PHACTR1: variants seen among roughly 807,000 people sequenced by gnomAD.
The protein encoded by PHACTR1 is phosphatase and actin regulator 1.
PHACTR1 carries 16 observed loss-of-function variants against 69.2 expected under a neutral mutation model. That is an observed-to-expected ratio of 0.23 (90% confidence interval 0.16 to 0.35). PHACTR1 has a LOEUF of 0.35. Ranked by LOEUF, PHACTR1 falls within the 10% of genes least tolerant of loss-of-function variation. PHACTR1 has a pLI of 1.00. For missense variants in PHACTR1, 510 were observed against 734.7 expected, an observed-to-expected ratio of 0.69 and a Z score of 3.54; for synonymous variants, 312 against 284.5, an observed-to-expected ratio of 1.10 and a Z score of -0.97.
At chr6:13,117,507 C>G (rs759406517) in intron 5 of PHACTR1, among the ~76,000 whole-genome samples, 10 of 152,220 alleles carry the variant, frequency 6.6e-5, no homozygotes, top group Non-Finnish European at 1.2e-4. Flanking sequence ...AATTTGAATT[C>G]CCATCACCAT....
chr6:13,030,514 C>T lies in PHACTR1; in HGVS notation c.251-22851C>T, dbSNP rs1175873712. On this transcript the variant is annotated intron_variant, in intron 4 of 14. Coordinates refer to ENST00000332995, the MANE Select transcript of PHACTR1 (RefSeq NM_030948.6). ...GATTTTAGCATTCAGTGTACATAAA[C>T]GGTTTAGTTTTTCACGTTTGGAATC... Among the ~76,000 whole-genome samples the T allele has an allele frequency of 4.6e-5, 7 of 152,212 alleles. No individual in the cohort carries two copies. In the South Asian group the frequency reaches 1.0e-3, roughly 23 times the overall value.
chr6:12,866,249 A>G (rs1781441474), intron 4 of PHACTR1, among the ~76,000 whole-genome samples: 1 of 152,236 alleles, frequency 6.6e-6, no homozygotes, highest in Non-Finnish European at 1.5e-5. Flanking sequence ...GCTTACTCTC[A>G]TTTAGAACAA....
intron 4 of PHACTR1, among the ~76,000 whole-genome samples, chr6:13,034,854 G>A (rs1296378931): frequency 1.3e-5 from 2 of 152,152 alleles, no homozygotes; most frequent in African/African-American, 2.4e-5. Context: ...TCCTTTTCTG[G>A]TAGTGAAAAG....
intron 10 of PHACTR1, among the ~76,000 whole-genome samples, chr6:13,272,012 G>GTA (rs2127447635): frequency 6.6e-6 from 1 of 152,316 alleles, no homozygotes; most frequent in African/African-American, 2.4e-5. Flanking sequence ...ATCCCAATGG[G>GTA]TGAAGTGGAA....
intron 4 of PHACTR1, among the ~76,000 whole-genome samples, chr6:12,951,850 C>G (rs1350921101): frequency 6.6e-6 from 1 of 152,158 alleles, no homozygotes; most frequent in African/African-American, 2.4e-5. Context: ...ATGTGAAGCA[C>G]CCGGTGTATT....
Position 13,233,809 on chromosome 6 carries a change from G to A in PHACTR1, c.1391+3616G>A, listed in dbSNP as rs116154515. Among the ~76,000 whole-genome samples, 412 of 152,320 alleles carry A rather than the reference G, an allele frequency of 2.7e-3. 2 individuals are homozygous for A. The highest frequency in any genetic ancestry group is 9.3e-3 in the African/African-American group (386 of 41,572). ...ACTAGGGACAGAAAGACAAAGTAGA[G>A]AAGGCAGCATATTCAAGCCATTGAG... On this transcript the variant is annotated intron_variant, in intron 10 of 14. Transcript: ENST00000332995.
chr6:13,002,526 CA>C (rs1361731111), intron 4 of PHACTR1, among the ~76,000 whole-genome samples: 1 of 152,082 alleles, frequency 6.6e-6, no homozygotes, highest in East Asian at 1.9e-4. Flanking sequence ...TTAAAAGCAC[CA>C]TGAGGAAAAG....
chr6:13,008,479 C>T (rs1799074533), intron 4 of PHACTR1, among the ~76,000 whole-genome samples: 1 of 152,238 alleles, frequency 6.6e-6, no homozygotes, highest in Non-Finnish European at 1.5e-5. Context: ...GCTCTGATCA[C>T]ATCTCCTTGC....
rs187484274 is a variant in PHACTR1, at chr6:13,068,924, C to T, written c.415+15395C>T. Among the ~76,000 whole-genome samples, 10 of 152,176 alleles carry T rather than the reference C, an allele frequency of 6.6e-5. No homozygotes were observed. In the East Asian group the frequency reaches 1.9e-3, roughly 29 times the overall value. Reference sequence around the variant, plus strand: ...CGACCTTCTACTTTACGTTCCAAACCTGGGTATTTCCGAGAGTGAAATGGG... The same window carrying T: ...CGACCTTCTACTTTACGTTCCAAACTTGGGTATTTCCGAGAGTGAAATGGG... On this transcript the variant is annotated intron_variant, in intron 5 of 14. Coordinates refer to ENST00000332995, the MANE Select transcript of PHACTR1 (RefSeq NM_030948.6).
chr6:13,095,749 C>CTTTTTTTTTTTTTTT (rs140109520), intron 5 of PHACTR1, among the ~76,000 whole-genome samples: 5 of 77,210 alleles, frequency 6.5e-5, no homozygotes, highest in Admixed American at 2.2e-4. Flanking sequence ...TTGTGAAGGG[C>CTTTTTTTTTTTTTTT]TTTTTTTTTT....
At chr6:12,999,227 T>C (rs995755188) in intron 4 of PHACTR1, among the ~76,000 whole-genome samples, 2 of 152,248 alleles carry the variant, frequency 1.3e-5, no homozygotes, top group African/African-American at 2.4e-5. Context: ...AATCTTGTGA[T>C]AGAATCATCT....
chr6:13,261,151 T>C (rs1775854337), intron 10 of PHACTR1, among the ~76,000 whole-genome samples: 1 of 151,848 alleles, frequency 6.6e-6, no homozygotes, highest in Admixed American at 6.5e-5. Context: ...GACTGGAGAG[T>C]TACTGAGACC....
At chr6:12,749,549 C>A in intron 3 of PHACTR1, 95 bp from the exon 4 acceptor site, 1 of 417,210 alleles carries the variant, frequency 2.4e-6, no homozygotes, top group Non-Finnish European at 4.8e-6. Context: ...TCCCCTCCCC[C>A]TTCCCCTCCC....
intron 4 of PHACTR1, among the ~76,000 whole-genome samples, chr6:12,839,428 C>T (rs572273820): frequency 4.6e-5 from 7 of 152,234 alleles, no homozygotes; most frequent in Non-Finnish European, 8.8e-5. Context: ...CCCCTCCACC[C>T]CACAGCGAGT....
intron 10 of PHACTR1, among the ~76,000 whole-genome samples, chr6:13,232,765 G>T (rs890619062): frequency 1.3e-5 from 2 of 152,120 alleles, no homozygotes; most frequent in Non-Finnish European, 2.9e-5. Context: ...TGGTTGGGGT[G>T]GGTGGGTGTG....
intron 5 of PHACTR1, among the ~76,000 whole-genome samples, chr6:13,155,746 G>A (rs1379436989): frequency 6.6e-6 from 1 of 152,072 alleles, no homozygotes; most frequent in South Asian, 2.1e-4. Context: ...AAATTAGCCA[G>A]GAGTGGCAGC....
In PHACTR1 at chr6:13,206,074, G is replaced by T. The variant is rs536275225; in HGVS notation, c.924G>T (p.Ser308=). 7.4e-6 allele frequency: 12 copies of T among 1,613,280 alleles called. No homozygotes were observed. The East Asian group carries it at 2.2e-4, about 30-fold the overall frequency. ...CCGGCTCCCTCCCCATGCACCCCTC[G>T]GGCTGCAGAATGATAGACGAGCTCA... is the stretch of plus-strand genomic sequence containing the variant. ...STTGSLPMHP[S]GCRMIDELNK... The change falls in exon 8 of 15, where the codon TCG becomes TCT. Residue 308 remains serine (S), a synonymous_variant. Transcript: ENST00000332995.
At chr6:13,134,145 C>T (rs936517029) in intron 5 of PHACTR1, among the ~76,000 whole-genome samples, 3 of 151,988 alleles carry the variant, frequency 2.0e-5, no homozygotes, top group African/African-American at 7.3e-5. Flanking sequence ...CTGGCAGCCG[C>T]CCCCTCCAGG....
At chr6:12,950,846 C>T (rs1272430623) in intron 4 of PHACTR1, among the ~76,000 whole-genome samples, 1 of 152,198 alleles carries the variant, frequency 6.6e-6, no homozygotes, top group Non-Finnish European at 1.5e-5. Context: ...CAGGCCTCTT[C>T]CTACTGCAGT....
Sources: allele counts gnomAD v4.1 joint callset (sites outside exome capture counted in the v4.1 genomes callset), GRCh38; gene constraint gnomAD v4.1.1; transcripts MANE v1.5; gene names NCBI Gene and HGNC (gene_info 2026-07-23, HGNC 2026-07-21).